UBE2E2: variants seen among roughly 807,000 people sequenced by gnomAD.
UBE2E2 encodes ubiquitin conjugating enzyme E2 E2.
In UBE2E2, 6 loss-of-function variants were observed where a neutral mutation model predicts 24.7. The observed-to-expected ratio is 0.24, with a 90% CI of 0.13 to 0.48. The LOEUF is 0.48. Among genes scored for constraint, UBE2E2 ranks in the 20% least tolerant of loss-of-function variants. The pLI, the probability that UBE2E2 is intolerant of heterozygous loss-of-function variation, is 0.99. For synonymous variants in UBE2E2, 104 were observed against 83.6 expected, an observed-to-expected ratio of 1.24 and a Z score of -1.33; for missense variants, 169 against 245.0, an observed-to-expected ratio of 0.69 and a Z score of 2.07.
In UBE2E2 at chr3:23,226,125, C is replaced by T. The variant is rs142627232; in HGVS notation, c.227+8813C>T. 1.9e-3 allele frequency among the ~76,000 whole-genome samples: 289 copies of T among 152,284 alleles called. 1 individual carries two copies. The highest frequency in any genetic ancestry group is 6.7e-3 in the African/African-American group (277 of 41,580). On this transcript the variant is annotated intron_variant, in intron 3 of 5. Transcript: ENST00000396703. ...AACTCCTGATCCCAAGTGATCTGCC[C>T]TCCTTGGCCTCCTAAAGTGCTGGGT...
intron 3 of UBE2E2, among the ~76,000 whole-genome samples, chr3:23,306,999 A>C (rs565540941): frequency 6.6e-6 from 1 of 152,320 alleles, no homozygotes; most frequent in South Asian, 2.1e-4. Flanking sequence ...CTCTTGTTTA[A>C]TAATTTAAAG....
At chr3:23,294,210 C>A (rs1216077336) in intron 3 of UBE2E2, among the ~76,000 whole-genome samples, 1 of 152,098 alleles carries the variant, frequency 6.6e-6, no homozygotes, top group Non-Finnish European at 1.5e-5. Flanking sequence ...ATAACCTTGG[C>A]AGAACTTTAA....
At chr3:23,240,497 A>T (rs918232935) in intron 3 of UBE2E2, among the ~76,000 whole-genome samples, 1 of 152,250 alleles carries the variant, frequency 6.6e-6, no homozygotes, top group Non-Finnish European at 1.5e-5. Flanking sequence ...ATAAATAGTA[A>T]CAACCAAGTT....
intron 3 of UBE2E2, among the ~76,000 whole-genome samples, chr3:23,359,199 T>C (rs1356500059): frequency 6.6e-6 from 1 of 152,186 alleles, no homozygotes; most frequent in Non-Finnish European, 1.5e-5. Context: ...CTTGTACTCT[T>C]TCAGGATCAT....
chr3:23,387,299 A>G (rs982054527), intron 3 of UBE2E2, among the ~76,000 whole-genome samples: 1 of 152,068 alleles, frequency 6.6e-6, no homozygotes, highest in African/African-American at 2.4e-5. Context: ...CTTTCTTTGT[A>G]TTTATTCTTT....
intron 3 of UBE2E2, among the ~76,000 whole-genome samples, chr3:23,299,110 T>A (rs1444258785): frequency 6.6e-6 from 1 of 152,232 alleles, no homozygotes; most frequent in Non-Finnish European, 1.5e-5. Context: ...TGGTAGTTTG[T>A]ATTTCTGTGG....
chr3:23,469,259 A>G (rs375470104), intron 3 of UBE2E2, among the ~76,000 whole-genome samples: 2 of 152,198 alleles, frequency 1.3e-5, no homozygotes, highest in Non-Finnish European at 2.9e-5. Flanking sequence ...AAACATATCA[A>G]TTTGTGGGGG....
chr3:23,454,947 C>T (rs1331770971), intron 3 of UBE2E2, among the ~76,000 whole-genome samples: 2 of 151,866 alleles, frequency 1.3e-5, no homozygotes, highest in Non-Finnish European at 2.9e-5. Flanking sequence ...TGGGTGTATC[C>T]GAGATTATGA....
chr3:23,459,410 G>C (rs1698759200), intron 3 of UBE2E2, among the ~76,000 whole-genome samples: 1 of 152,168 alleles, frequency 6.6e-6, no homozygotes, highest in African/African-American at 2.4e-5. Context: ...CCCAAAAATA[G>C]TTCAACAGTT....
chr3:23,292,103 T>A (rs6769959), intron 3 of UBE2E2, among the ~76,000 whole-genome samples: 1 of 151,742 alleles, frequency 6.6e-6, no homozygotes, highest in Admixed American at 6.6e-5. Context: ...CGTGATTCGC[T>A]CACCTTGGCC....
At chr3:23,462,886 TTAG>T (rs1295846011) in intron 3 of UBE2E2, among the ~76,000 whole-genome samples, 1 of 152,142 alleles carries the variant, frequency 6.6e-6, no homozygotes, top group Non-Finnish European at 1.5e-5. Context: ...ACTCTGTGCC[TTAG>T]TTTCCTTGTC....
chr3:23,203,156 G>A, upstream of UBE2E2: 1 of 985,442 alleles, frequency 1.0e-6, no homozygotes, highest in Non-Finnish European at 1.2e-6. Flanking sequence ...CGGAGGTGGT[G>A]GCTTCACTTT....
intron 3 of UBE2E2, among the ~76,000 whole-genome samples, chr3:23,357,482 G>A (rs1356219618): frequency 6.6e-6 from 1 of 152,008 alleles, no homozygotes; most frequent in Non-Finnish European, 1.5e-5. Context: ...TTCTTTTTCA[G>A]TTCTTAATAT....
At chr3:23,572,640 G>A (rs1393321973) in intron 5 of UBE2E2, among the ~76,000 whole-genome samples, 1 of 152,222 alleles carries the variant, frequency 6.6e-6, no homozygotes, top group Non-Finnish European at 1.5e-5. Flanking sequence ...GCAGTATTTG[G>A]TTTTCTGTTT....
At chr3:23,225,320 T>G (rs1484077555) in intron 3 of UBE2E2, among the ~76,000 whole-genome samples, 2 of 152,294 alleles carry the variant, frequency 1.3e-5, no homozygotes, top group East Asian at 3.9e-4. Flanking sequence ...AAATATCTGT[T>G]TTTTCTTTTG....
At chr3:23,247,410 A>G (rs552873373) in intron 3 of UBE2E2, among the ~76,000 whole-genome samples, 1 of 150,188 alleles carries the variant, frequency 6.7e-6, no homozygotes, top group African/African-American at 2.5e-5. Context: ...GCTGGAGTGC[A>G]ATGGCATGAT....
intron 3 of UBE2E2, among the ~76,000 whole-genome samples, chr3:23,348,759 C>T (rs1459633228): frequency 6.6e-6 from 1 of 152,062 alleles, no homozygotes; most frequent in Non-Finnish European, 1.5e-5. Flanking sequence ...TCACAAAGGC[C>T]AAAGAGTAAT....
chr3:23,283,546 G>A (rs138933834), intron 3 of UBE2E2, among the ~76,000 whole-genome samples: 3 of 152,252 alleles, frequency 2.0e-5, no homozygotes, highest in African/African-American at 4.8e-5. Flanking sequence ...GAGCAACGTA[G>A]TGAGGCCCTA....
chr3:23,457,790 A>T (rs549008330), intron 3 of UBE2E2, among the ~76,000 whole-genome samples: 1 of 152,314 alleles, frequency 6.6e-6, no homozygotes, highest in African/African-American at 2.4e-5. Flanking sequence ...TTTGTGTCTC[A>T]TGAGCTAAAC....
Sources: allele counts gnomAD v4.1 joint callset (sites outside exome capture counted in the v4.1 genomes callset), GRCh38; gene constraint gnomAD v4.1.1; transcripts MANE v1.5; gene names NCBI Gene and HGNC (gene_info 2026-07-23, HGNC 2026-07-21).